Variants in FAN1 observed in about 807,000 individuals in gnomAD.
FAN1 encodes the protein FANCD2 and FANCI associated nuclease 1.
FAN1 carries 91 observed loss-of-function variants against 104.9 expected under a neutral mutation model. That is an observed-to-expected ratio of 0.87 (90% CI 0.73 to 1.03). FAN1 has a LOEUF of 1.03. Ranked by LOEUF, FAN1 falls within the 50% of genes least tolerant of loss-of-function variation. The pLI is 0.00. For synonymous variants in FAN1, 478 were observed against 457.6 expected (o/e 1.04, Z -0.57); for missense variants, 1,263 against 1,239.9 (o/e 1.02, Z -0.28).
chr15:30,939,126 G>A (rs1451983349), intron 14 of FAN1: 2 of 985,278 alleles, frequency 2.0e-6, no homozygotes, highest in African/African-American at 1.7e-5. Context: ...GCAGCAAGCA[G>A]ATTTTGTTGA....
rs772004791 is a variant in FAN1, at chr15:30,918,296, G to A, written c.1943+1G>A. ...GACTGAAAAACCACCCTTCTCTGAG[G>A]TGAGAGTTTTTCTAGGTACCTGCCA... On this transcript the variant is annotated splice_donor_variant, in intron 6 of 14. Coordinates refer to ENST00000362065, the MANE Select transcript of FAN1 (RefSeq NM_014967.5). LOFTEE classifies it high-confidence loss of function. 19 of 1,613,830 alleles carry A rather than the reference G, an allele frequency of 1.2e-5. No homozygotes were observed. The Admixed American group carries it at 2.8e-4, about 24-fold the overall frequency.
At chr15:30,941,274 C>T in intron 14 of FAN1, 1 of 1,489,852 alleles carries the variant, frequency 6.7e-7, no homozygotes, top group Non-Finnish European at 8.9e-7. Flanking sequence ...AGAAAGAGGA[C>T]AGGAACAAAA....
chr15:30,924,215 G>A (rs2062404153), intron 8 of FAN1, among the ~76,000 whole-genome samples: 1 of 152,202 alleles, frequency 6.6e-6, no homozygotes, highest in Admixed American at 6.5e-5. Context: ...TTCCACTGTA[G>A]CATCTGATAC....
In FAN1 at chr15:30,942,031, T is replaced by C; in HGVS notation, c.*469T>C. On this transcript the variant is annotated 3_prime_UTR_variant, in exon 15 of 15. Transcript: ENST00000362065. ...CTTGGTCACTGATGATTCCATTCTT[T>C]AAGGCAGACGGCATTCCTCTTAGTG... 6.2e-7 allele frequency: 1 copy of C among 1,614,038 alleles called. No homozygotes were observed. The highest frequency in any genetic ancestry group is 1.1e-5 in the South Asian group (1 of 91,084).
intron 14 of FAN1, chr15:30,941,236 C>A (rs1007798056): frequency 1.4e-6 from 2 of 1,426,312 alleles, no homozygotes; most frequent in African/African-American, 1.4e-5. Context: ...AGTTTGATCA[C>A]GGTTACAAGA....
chr15:30,926,924 A>G (rs1204046207), intron 10 of FAN1: 2 of 985,338 alleles, frequency 2.0e-6, no homozygotes, highest in Non-Finnish European at 2.4e-6. Context: ...TTTGTGTCAG[A>G]GCGATCTCAA....
chr15:30,925,633 A>G (rs112087309), intron 9 of FAN1, among the ~76,000 whole-genome samples, 156 bp from the exon 10 acceptor site: 207 of 152,370 alleles, frequency 1.4e-3, no homozygotes, highest in African/African-American at 4.4e-3. Context: ...GAACTGTCAC[A>G]TCCCCGCAGT....
chr15:30,930,718 A>C, intron 13 of FAN1, 47 bp downstream of exon 13: 1 of 1,603,814 alleles, frequency 6.2e-7, no homozygotes, highest in Non-Finnish European at 8.5e-7. Context: ...CTTATTAGCA[A>C]CTGAATCAGA....
intron 2 of FAN1, chr15:30,906,551 G>A (rs1488455501): frequency 2.2e-6 from 1 of 456,188 alleles, no homozygotes; most frequent in Admixed American, 2.3e-5. Context: ...TTATTCAGAG[G>A]GCCATGATGA....
Position 30,905,498 on chromosome 15 carries a change from T to A in FAN1, c.835T>A (p.Ser279Thr). 6.2e-7 allele frequency: 1 copy of A among 1,614,032 alleles called. No homozygotes were observed. Among genetic ancestry groups the A allele is most frequent in the Non-Finnish European group, 8.5e-7 (1 of 1,179,938 alleles). The change falls in exon 2 of 15, where the codon TCA (serine) becomes ACA (threonine). Residue 279 changes from serine to threonine, a missense_variant. Transcript: ENST00000362065. ...FTLRNTLKST[S>T]EDSLVKQECI... is the part of the protein sequence containing the mutation. Reference sequence around the variant, plus strand: ...TCTTAGGAATACATTAAAGTCTACTTCAGAAGACAGTCTTGTAAAGCAAGA... The same window carrying A: ...TCTTAGGAATACATTAAAGTCTACTACAGAAGACAGTCTTGTAAAGCAAGA...
In FAN1 at chr15:30,942,101, G is replaced by A. The variant is rs367938322; in HGVS notation, c.*539G>A. On this transcript the variant is annotated 3_prime_UTR_variant, in exon 15 of 15. Coordinates refer to ENST00000362065, the MANE Select transcript of FAN1 (RefSeq NM_014967.5). ...TACAGAAGAGATTTTATTATGTTCC[G>A]GGGATTCCCTTTTTAGAAAGATTGA... is the stretch of plus-strand genomic sequence containing the variant. The A allele has an allele frequency of 5.0e-5, 79 of 1,578,778 alleles. 1 individual carries two copies. The Middle Eastern group carries it at 1.2e-3, about 24-fold the overall frequency.
intron 3 of FAN1, among the ~76,000 whole-genome samples, chr15:30,908,890 T>C (rs2062038530): frequency 6.6e-6 from 1 of 152,222 alleles, no homozygotes; most frequent in African/African-American, 2.4e-5. Flanking sequence ...CAGCAAGAGC[T>C]TGACTCATCT....
At chr15:30,907,518 C>T (rs1422092952) in intron 2 of FAN1, among the ~76,000 whole-genome samples, 1 of 146,002 alleles carries the variant, frequency 6.8e-6, no homozygotes, top group Non-Finnish European at 1.5e-5. Flanking sequence ...AACTCCATCT[C>T]AAAAAAAACA....
intron 2 of FAN1, among the ~76,000 whole-genome samples, chr15:30,907,555 C>T (rs2062010457): frequency 6.6e-6 from 1 of 150,978 alleles, no homozygotes; most frequent in Non-Finnish European, 1.5e-5. Context: ...AAAAAACAAC[C>T]AAAAAAAACA....
chr15:30,913,939 G>A lies in FAN1; in HGVS notation c.1659G>A (p.Ser553=), dbSNP rs202227554. The change falls in exon 5 of 15, where the codon TCG becomes TCA. Residue 553 remains serine, a synonymous_variant. Coordinates refer to ENST00000362065, the MANE Select transcript of FAN1 (RefSeq NM_014967.5). The part of the protein sequence containing the change: ...AVFSRILLLF[S]LTDSMEDEDA... Reference sequence around the variant, plus strand: ...TTTCCCGCATCTTGCTACTGTTTTCGTTGACCGACTCAATGGAAGATGAAG... The same window carrying A: ...TTTCCCGCATCTTGCTACTGTTTTCATTGACCGACTCAATGGAAGATGAAG... 28 of 1,614,122 alleles carry A rather than the reference G, an allele frequency of 1.7e-5. 1 individual carries two copies. In the East Asian group the frequency reaches 5.3e-4, roughly 31 times the overall value.
chr15:30,937,440 T>G (rs1220206365), intron 14 of FAN1, among the ~76,000 whole-genome samples, 181 bp downstream of exon 14: 1 of 143,936 alleles, frequency 6.9e-6, no homozygotes, highest in East Asian at 2.1e-4. Flanking sequence ...ACACAGTGGG[T>G]AATAAACTTT....
Position 30,941,911 on chromosome 15 carries a change from A to G in FAN1, c.*349A>G. On this transcript the variant is annotated 3_prime_UTR_variant, in exon 15 of 15. Coordinates refer to ENST00000362065, the MANE Select transcript of FAN1 (RefSeq NM_014967.5). ...TGGCGGGTTTGGAAAACCATTCTCT[A>G]AAATACTGCTCCGTATCACTGTTCT... 6.2e-7 allele frequency: 1 copy of G among 1,614,028 alleles called. No individual in the cohort carries two copies. The highest frequency in any genetic ancestry group is 8.5e-7 in the Non-Finnish European group (1 of 1,179,900).
At chr15:30,912,292 C>T (rs982964143) in intron 4 of FAN1, among the ~76,000 whole-genome samples, 6 of 152,190 alleles carry the variant, frequency 3.9e-5, no homozygotes, top group East Asian at 1.9e-4. Context: ...GCCAGCCCCA[C>T]GCTAGGGCAG....
chr15:30,906,067 A>T (rs147723755), intron 2 of FAN1, among the ~76,000 whole-genome samples, 170 bp downstream of exon 2: 184 of 152,220 alleles, frequency 1.2e-3, no homozygotes, highest in African/African-American at 4.3e-3. Flanking sequence ...TTTTATTGAG[A>T]GGGATGCATG....
Sources: allele counts gnomAD v4.1 joint callset (sites outside exome capture counted in the v4.1 genomes callset), GRCh38; gene constraint gnomAD v4.1.1; transcripts MANE v1.5; gene names NCBI Gene and HGNC (gene_info 2026-07-23, HGNC 2026-07-21).